The following OVCH1 variants were observed in gnomAD, a reference collection of about 807,000 sequenced individuals.
The protein encoded by OVCH1 is ovochymase 1.
A neutral mutation model predicts 138.4 loss-of-function variants in OVCH1; 139 were observed. The observed-to-expected ratio is 1.00, with a 90% CI of 0.87 to 1.16. The LOEUF (loss-of-function observed/expected upper bound fraction) is 1.16, where lower values mean the gene tolerates loss of function less well. Ranked by LOEUF, OVCH1 falls within the 50% of genes most tolerant of loss-of-function variation. The pLI is 0.00. For synonymous variants in OVCH1, 453 were observed against 467.8 expected, an observed-to-expected ratio of 0.97 and a Z score of 0.41; for missense variants, 1,367 against 1,357.9, an observed-to-expected ratio of 1.01 and a Z score of -0.11.
At chr12:29,414,020 C>CTTTT (rs74937229) in intron 3 of OVCH1, among the ~76,000 whole-genome samples, 5 of 38,520 alleles carry the variant, frequency 1.3e-4, no homozygotes, top group Admixed American at 4.3e-4. Context: ...CTCTCTCTCT[C>CTTTT]TTTTTTTTTT....
At chr12:29,489,228 A>G (rs1233129627) in intron 6 of OVCH1, among the ~76,000 whole-genome samples, 1 of 152,210 alleles carries the variant, frequency 6.6e-6, no homozygotes, top group African/African-American at 2.4e-5. Context: ...ATGTATCTTC[A>G]GTCAAACTTT....
intron 22 of OVCH1, 67 bp from the exon 23 acceptor site, chr12:29,445,470 G>C (rs1258790821): frequency 6.9e-7 from 1 of 1,443,360 alleles, no homozygotes; most frequent in African/African-American, 1.4e-5. Flanking sequence ...CTGTATTTTA[G>C]GCCGAGCAAT....
chr12:29,477,193 CCTT>C (rs1380808583), exon 12 of OVCH1: 3 of 1,613,618 alleles, frequency 1.9e-6, no homozygotes, highest in East Asian at 2.2e-5. Context: ...GTGATTTGTC[CCTT>C]CTTCTACCAA....
intron 3 of OVCH1, among the ~76,000 whole-genome samples, chr12:29,495,793 G>T (rs190258182): frequency 6.6e-6 from 1 of 151,948 alleles, no homozygotes; most frequent in East Asian, 1.9e-4. Flanking sequence ...TCTCTTATTA[G>T]TACCCTCTTT....
In OVCH1 at chr12:29,473,012, A is replaced by G. The variant is rs1190775111; in HGVS notation, c.1675+17T>C. The G allele has an allele frequency of 1.3e-6, 2 of 1,591,072 alleles. No individual in the cohort carries two copies. The highest frequency in any genetic ancestry group is 1.7e-4 in the Middle Eastern group (1 of 6,016). On this transcript the variant is annotated intron_variant, in intron 15 of 27. Coordinates refer to ENST00000318184, the Ensembl canonical transcript of OVCH1. The stretch of plus-strand genomic sequence containing the variant: ...AAACAAGATTAAACAGATAGTAATA[A>G]CATGTCACCAACTCACCATGCAGAA...
intron 3 of OVCH1, among the ~76,000 whole-genome samples, chr12:29,421,946 T>C (rs1315150199): frequency 6.6e-6 from 1 of 152,174 alleles, no homozygotes; most frequent in African/African-American, 2.4e-5. Flanking sequence ...AACTCATTTC[T>C]ACTTCCTTTT....
intron 25 of OVCH1, 88 bp downstream of exon 25, chr12:29,443,273 T>C: frequency 1.5e-6 from 2 of 1,350,846 alleles, no homozygotes; most frequent in South Asian, 1.4e-5. Flanking sequence ...GTATGTCACA[T>C]GTAAGCCACA....
intron 14 of OVCH1, 97 bp from the exon 15 acceptor site, chr12:29,473,200 T>C: frequency 1.3e-6 from 1 of 772,810 alleles, no homozygotes; most frequent in Non-Finnish European, 2.1e-6. Flanking sequence ...TACTCTACTG[T>C]AGATCTCACT....
downstream of OVCH1, among the ~76,000 whole-genome samples, chr12:29,422,671 A>C (rs1482032862): frequency 6.6e-6 from 1 of 152,204 alleles, no homozygotes; most frequent in Admixed American, 6.5e-5. Context: ...ATGGCTTAAA[A>C]GTAGATTGGA....
intron 25 of OVCH1, 39 bp from the exon 26 acceptor site, chr12:29,440,783 T>C (rs141875250): frequency 9.9e-5 from 45 of 455,188 alleles, no homozygotes; most frequent in African/African-American, 8.6e-4. Flanking sequence ...CACTTACTTC[T>C]AGGATGGTAT....
chr12:29,405,913 T>C, the OVCH1 span, among the ~76,000 whole-genome samples: 1 of 152,246 alleles, frequency 6.6e-6, no homozygotes, highest in Admixed American at 6.5e-5. Flanking sequence ...CTATTGGATA[T>C]TTGTAACTTG....
chr12:29,466,291 C>A (rs1480823248), intron 16 of OVCH1, among the ~76,000 whole-genome samples: 4 of 143,964 alleles, frequency 2.8e-5, no homozygotes, highest in Non-Finnish European at 2.9e-5. Flanking sequence ...AAATACGTTT[C>A]TCTTAATACT....
At chr12:29,464,175 C>T (rs1299541242) in intron 18 of OVCH1, among the ~76,000 whole-genome samples, 1 of 152,148 alleles carries the variant, frequency 6.6e-6, no homozygotes, top group African/African-American at 2.4e-5. Context: ...TACATAATGC[C>T]AATGGCTGCT....
intron 20 of OVCH1, 33 bp downstream of exon 20, chr12:29,455,216 T>G (rs1941912614): frequency 6.2e-7 from 1 of 1,602,486 alleles, no homozygotes; most frequent in Non-Finnish European, 8.5e-7. Flanking sequence ...AAGAAAGAGG[T>G]TATTGTTTTA....
chr12:29,413,647 G>A, intron 3 of OVCH1, among the ~76,000 whole-genome samples: 1 of 141,234 alleles, frequency 7.1e-6, no homozygotes, highest in African/African-American at 2.5e-5. Flanking sequence ...ATTTATGTAT[G>A]TGTCTGTGTG....
intron 16 of OVCH1, among the ~76,000 whole-genome samples, chr12:29,469,784 G>T (rs572314565): frequency 3.3e-5 from 5 of 152,128 alleles, no homozygotes; most frequent in African/African-American, 1.2e-4. Context: ...TGAGGTGGGA[G>T]GATCCCTTGA....
intron 18 of OVCH1, among the ~76,000 whole-genome samples, chr12:29,463,021 T>C (rs931710812): frequency 6.6e-6 from 1 of 152,160 alleles, no homozygotes; most frequent in South Asian, 2.1e-4. Flanking sequence ...AGTCATGGAA[T>C]TGGTAAAAGT....
chr12:29,496,632 T>G (rs777884599), exon 2 of OVCH1: 8 of 1,613,738 alleles, frequency 5.0e-6, no homozygotes, highest in Non-Finnish European at 6.8e-6. Flanking sequence ...CACGGCAGGT[T>G]CCTTACTTTT....
In OVCH1 at chr12:29,473,682, C is replaced by T. The variant is rs1942594173; in HGVS notation, c.1601-579G>A. Among the ~76,000 whole-genome samples the T allele has an allele frequency of 2.0e-5, 3 of 152,178 alleles. No individual in the cohort carries two copies. In the South Asian group the frequency reaches 6.2e-4, roughly 32 times the overall value. ...CCATTCAAGCTAGGATCTTGAAAAT[C>T]ATATTTGTGATGGTTAATACTGAGT... On this transcript the variant is annotated intron_variant, in intron 14 of 27. Coordinates refer to ENST00000318184, the Ensembl canonical transcript of OVCH1.
Sources: allele counts gnomAD v4.1 joint callset (sites outside exome capture counted in the v4.1 genomes callset), GRCh38; gene constraint gnomAD v4.1.1; transcripts MANE v1.5; gene names NCBI Gene and HGNC (gene_info 2026-07-23, HGNC 2026-07-21).